Variants in MYB observed in about 807,000 individuals in gnomAD.
MYB encodes the protein MYB proto-oncogene, transcription factor, also known as transcriptional activator Myb.
MYB carries 28 observed loss-of-function variants against 92.9 expected under a neutral mutation model. The ratio of observed to expected loss-of-function variants is 0.30; its 90% CI spans 0.22 to 0.41. MYB has a LOEUF of 0.41. Ranked by LOEUF, MYB falls within the 10% of genes least tolerant of loss-of-function variation. The probability of loss-of-function intolerance (pLI) is 1.00; values close to 1 mark genes in which losing one functional copy is unlikely to be tolerated. For missense variants in MYB, 679 were observed against 929.3 expected, an observed-to-expected ratio of 0.73 and a Z score of 3.50; for synonymous variants, 295 against 329.1, an observed-to-expected ratio of 0.90 and a Z score of 1.12.
At chr6:135,209,578 C>T (rs966176628) in intron 15 of MYB, among the ~76,000 whole-genome samples, 3 of 152,172 alleles carry the variant, frequency 2.0e-5, no homozygotes, top group African/African-American at 7.2e-5. Flanking sequence ...CATGTATCCC[C>T]TAATCTATAA....
Position 135,197,202 on chromosome 6 carries a change from A to C in MYB, c.1445A>C (p.Lys482Thr). Residue 482 changes from lysine (K) to threonine (T), a missense_variant, in exon 10 of 16, where the codon AAA (lysine) becomes ACA (threonine). Around this residue, in one of 8 missense-constraint regions of MYB, gnomAD observed 402 missense variants for 434.2 expected, o/e 0.93. Transcript: ENST00000341911. The stretch of plus-strand genomic sequence containing the variant: ...ACAATTCCACTGGTCATCCTTCGAA[A>C]AAAACGGGGCCAGGCCAGCCCCTTA... The part of the protein sequence containing the change: ...HSTIPLVILR[K>T]KRGQASPLAT... 1 of 1,613,982 alleles carries C rather than the reference A, an allele frequency of 6.2e-7. No homozygotes were observed. Among genetic ancestry groups the C allele is most frequent in the Non-Finnish European group, 8.5e-7 (1 of 1,179,884 alleles).
chr6:135,210,793 A>G (rs1006378366), intron 15 of MYB, among the ~76,000 whole-genome samples: 3 of 152,228 alleles, frequency 2.0e-5, no homozygotes, highest in Non-Finnish European at 4.4e-5. Flanking sequence ...TATTGCTTTC[A>G]AGATGGCGGC....
intron 9 of MYB, 77 bp from the exon 10 acceptor site, chr6:135,196,884 C>A: frequency 6.3e-7 from 1 of 1,584,586 alleles, no homozygotes; most frequent in Middle Eastern, 1.7e-4. Context: ...TTGCGTTGAG[C>A]ATCTCTCTCT....
At position 135,185,890 on chromosome 6, in the gene MYB, C is replaced by A; in HGVS notation, c.24-13C>A. 2 of 1,603,626 alleles carry A rather than the reference C, an allele frequency of 1.2e-6. No homozygotes were observed. Among genetic ancestry groups the A allele is most frequent in the South Asian group, 1.1e-5 (1 of 90,804 alleles). ...TTGTTTCAGCCCACGTCTACCCATT[C>A]TTATTTCTGCAGCATATATAGCAGT... On this transcript the variant is annotated splice_polypyrimidine_tract_variant and intron_variant, in intron 1 of 15. Coordinates refer to ENST00000341911, the MANE Select transcript of MYB (RefSeq NM_001130173.2).
At position 135,217,937 on chromosome 6, in the gene MYB, G is replaced by C. The variant is rs200859137; in HGVS notation, c.2243G>C (p.Arg748Pro). 6.9e-5 allele frequency: 112 copies of C among 1,613,332 alleles called. 1 individual carries two copies. In the Middle Eastern group the frequency reaches 1.8e-3, roughly 26 times the overall value. Reference sequence around the variant, plus strand: ...CAGATGACATCTTCCAGTCAAGCTCGTAAATACGTGAATGCATTCTCAGCC... The same window carrying C: ...CAGATGACATCTTCCAGTCAAGCTCCTAAATACGTGAATGCATTCTCAGCC... Reference protein sequence around the residue: ...EEQMTSSSQARKYVNAFSART... With the variant: ...EEQMTSSSQAPKYVNAFSART... The change falls in exon 16 of 16, where the codon CGT (arginine) becomes CCT (proline). Residue 748 changes from arginine (R) to proline (P), a missense_variant. Around this residue, in one of 8 missense-constraint regions of MYB, gnomAD observed 402 missense variants for 434.2 expected, o/e 0.93. Coordinates refer to ENST00000341911, the MANE Select transcript of MYB (RefSeq NM_001130173.2).
chr6:135,194,777 C>A, intron 8 of MYB: 1 of 628,992 alleles, frequency 1.6e-6, no homozygotes, highest in Non-Finnish European at 2.5e-6. Flanking sequence ...GCATTTTCTA[C>A]AGAGCTATGT....
chr6:135,216,538 A>G (rs370011040), intron 15 of MYB, among the ~76,000 whole-genome samples: 15 of 152,204 alleles, frequency 9.9e-5, no homozygotes, highest in African/African-American at 3.6e-4. Flanking sequence ...TTGTTAGGGG[A>G]TAATGACAAG....
chr6:135,200,805 G>A (rs1169741608), intron 13 of MYB: 17 of 278,362 alleles, frequency 6.1e-5, no homozygotes, highest in African/African-American at 2.3e-4. Context: ...GAGGCTGGGC[G>A]CGGTGGCTCA....
intron 5 of MYB, among the ~76,000 whole-genome samples, chr6:135,192,013 G>A (rs1038304946): frequency 4.6e-5 from 7 of 152,206 alleles, no homozygotes; most frequent in Non-Finnish European, 1.0e-4. Flanking sequence ...GTCTTGTACC[G>A]CGACCGGTCA....
At chr6:135,196,071 T>C (rs1777253176) in intron 9 of MYB, 69 bp downstream of exon 9, 1 of 1,511,304 alleles carries the variant, frequency 6.6e-7, no homozygotes, top group Non-Finnish European at 9.0e-7. Flanking sequence ...TCTTAAATCA[T>C]TGCCATTTTC....
At chr6:135,200,948 G>A (rs9494176) in intron 13 of MYB, among the ~76,000 whole-genome samples, 5,956 of 151,952 alleles carry the variant, frequency 0.039, 421 homozygotes, top group African/African-American at 0.14. Context: ...GTTTGGTGGC[G>A]GGCGCCTGTA....
At chr6:135,194,550 C>A in intron 8 of MYB, 90 bp downstream of exon 8, 3 of 884,874 alleles carry the variant, frequency 3.4e-6, no homozygotes, top group Non-Finnish European at 3.6e-6. Context: ...TTACACTTAG[C>A]AAGGCTCCAT....
Position 135,203,276 on chromosome 6 carries a change from C to T in MYB, c.2121C>T (p.Leu707=), listed in dbSNP as rs114303912. 1.1e-3 allele frequency: 1,702 copies of T among 1,611,770 alleles called. 10 individuals are homozygous for T. Among genetic ancestry groups the T allele is most frequent in the South Asian group, 5.3e-3 (485 of 91,026 alleles). The part of the protein sequence containing the change: ...APASEDEDNV[L]KAFTVPKNRS... Reference sequence around the variant, plus strand: ...CATCAGAAGATGAAGACAATGTTCTCAAAGCATTTACAGTACCTAAAAACA... The same window carrying T: ...CATCAGAAGATGAAGACAATGTTCTTAAAGCATTTACAGTACCTAAAAACA... The change falls in exon 15 of 16, where the codon CTC becomes CTT. Residue 707 remains leucine (L), a synonymous_variant. Transcript: ENST00000341911.
intron 6 of MYB, 130 bp from the exon 7 acceptor site, chr6:135,193,708 T>G (rs1776922190): frequency 5.4e-6 from 3 of 559,028 alleles, no homozygotes; most frequent in Non-Finnish European, 9.6e-6. Flanking sequence ...TTTTAAAAAT[T>G]TGTTTAGTGT....
chr6:135,185,057 G>A (rs1775737243), intron 1 of MYB, among the ~76,000 whole-genome samples: 1 of 152,126 alleles, frequency 6.6e-6, no homozygotes, highest in Non-Finnish European at 1.5e-5. Context: ...TTAAATCCAT[G>A]GCTTTTTTCT....
intron 10 of MYB, 97 bp downstream of exon 10, chr6:135,197,420 C>A: frequency 8.9e-7 from 1 of 1,123,796 alleles, no homozygotes; most frequent in Non-Finnish European, 1.3e-6. Flanking sequence ...TGACTAATTA[C>A]TGCTGCCTTT....
chr6:135,210,939 T>C (rs1279252726), intron 15 of MYB, among the ~76,000 whole-genome samples: 1 of 152,062 alleles, frequency 6.6e-6, no homozygotes, highest in Non-Finnish European at 1.5e-5. Context: ...GTTTTTTTCA[T>C]TGTGGTATAT....
chr6:135,218,847 A>T lies in MYB; in HGVS notation c.*867A>T. Reference sequence around the variant, plus strand: ...CATTTTTTATTGTGGTTTTTTTGTTATTGTTGGTTTATACAAGCATGCGTT... The same window carrying T: ...CATTTTTTATTGTGGTTTTTTTGTTTTTGTTGGTTTATACAAGCATGCGTT... On this transcript the variant is annotated 3_prime_UTR_variant, in exon 16 of 16. Coordinates refer to ENST00000341911, the MANE Select transcript of MYB (RefSeq NM_001130173.2). 4.5e-6 allele frequency: 1 copy of T among 224,582 alleles called. No individual in the cohort carries two copies. Among genetic ancestry groups the T allele is most frequent in the East Asian group, 6.4e-5 (1 of 15,644 alleles). The allele number at this position is 224,582 out of a possible 1,614,324, so 13.9% of individuals were successfully genotyped here. A position where few individuals can be genotyped will look rare whatever the true frequency, so the allele number is the denominator to read the frequency against.
intron 2 of MYB, among the ~76,000 whole-genome samples, chr6:135,187,123 G>A (rs1776024229): frequency 6.6e-6 from 1 of 152,192 alleles, no homozygotes; most frequent in Admixed American, 6.5e-5. Context: ...AGAAACATAA[G>A]AAGGAATGCA....
Sources: allele counts gnomAD v4.1 joint callset (sites outside exome capture counted in the v4.1 genomes callset), GRCh38; gene constraint gnomAD v4.1.1; regional missense constraint gnomAD v4.1.1; transcripts MANE v1.5; gene names NCBI Gene and HGNC (gene_info 2026-07-23, HGNC 2026-07-21).